The following PCNT variants were observed in gnomAD, a reference collection of about 807,000 sequenced individuals.
PCNT encodes pericentrin, also known as kendrin.
PCNT carries 319 observed loss-of-function variants against 380.4 expected under a neutral mutation model. The ratio of observed to expected loss-of-function variants is 0.84; its 90% confidence interval spans 0.77 to 0.92. The LOEUF (loss-of-function observed/expected upper bound fraction) is 0.92, where lower values mean the gene tolerates loss of function less well. PCNT is among the 40% of genes least tolerant of loss of function. PCNT has a pLI of 0.00. For synonymous variants in PCNT, 1,845 were observed against 1,735.2 expected, an observed-to-expected ratio of 1.06 and a Z score of -1.57; for missense variants, 4,400 against 4,255.3, an observed-to-expected ratio of 1.03 and a Z score of -0.95.
rs756178037 is a variant in PCNT, at chr21:46,416,112, A to C, written c.6194A>C (p.Asp2065Ala). 1.2e-6 allele frequency: 2 copies of C among 1,614,148 alleles called. No individual in the cohort carries two copies. The highest frequency in any genetic ancestry group is 8.5e-7 in the Non-Finnish European group (1 of 1,180,030). ...VLEDCQLPKV[D>A]LVAQVKQLQE... ...GAAGATTGTCAGCTGCCGAAGGTCG[A>C]TCTCGTAGCTCAGGTGAAACAGCTT... Residue 2065 changes from aspartate (D) to alanine (A), a missense_variant, in exon 30 of 47, where the codon GAT (aspartate) becomes GCT (alanine). Transcript: ENST00000359568.
intron 6 of PCNT, 90 bp downstream of exon 6, chr21:46,347,602 T>G: frequency 2.5e-6 from 3 of 1,198,274 alleles, no homozygotes; most frequent in Non-Finnish European, 3.7e-6. Flanking sequence ...TCACCTTGAT[T>G]CAGACAGAAG....
intron 3 of PCNT, among the ~76,000 whole-genome samples, chr21:46,335,416 C>T (rs8127913): frequency 0.33 from 50,743 of 151,998 alleles, 9,104 homozygotes; most frequent in Admixed American, 0.43. Context: ...ATATTTTAGG[C>T]TGGGCACGGT....
At chr21:46,439,706 G>C (rs1295593953) in intron 41 of PCNT, among the ~76,000 whole-genome samples, 4 of 152,216 alleles carry the variant, frequency 2.6e-5, no homozygotes, top group African/African-American at 9.7e-5. Flanking sequence ...GTCGAGAGTT[G>C]ACTGTGCTTG....
rs371601333 is a variant in PCNT, at chr21:46,366,283, C to T, written c.2610-301C>T. On this transcript the variant is annotated intron_variant, in intron 14 of 46. Transcript: ENST00000359568. ...TTGTGCCTGCCGTGCGTGGCTCTGG[C>T]GGGGATGTGTGTGTGCCATCTCTTG... Among the ~76,000 whole-genome samples the T allele has an allele frequency of 9.8e-4, 149 of 152,194 alleles. 2 individuals carry two copies. In the South Asian group the frequency reaches 0.03, roughly 31 times the overall value.
chr21:46,361,498 G>A (rs963201348), intron 13 of PCNT, among the ~76,000 whole-genome samples: 7 of 152,222 alleles, frequency 4.6e-5, no homozygotes, highest in African/African-American at 1.7e-4. Context: ...ACCTCTAACT[G>A]CACAGGTGCT....
At chr21:46,356,834 C>T in intron 12 of PCNT, 140 bp from the exon 13 acceptor site, 4 of 711,478 alleles carry the variant, frequency 5.6e-6, no homozygotes, top group Non-Finnish European at 9.8e-6. Context: ...GCTTTCATCA[C>T]TGAGTCAGCA....
At position 46,431,522 on chromosome 21, in the gene PCNT, T is replaced by C. The variant is rs777188894; in HGVS notation, c.8065-7T>C. The C allele has an allele frequency of 1.9e-6, 3 of 1,614,020 alleles. No individual in the cohort carries two copies. Among genetic ancestry groups the C allele is most frequent in the East Asian group, 2.2e-5 (1 of 44,888 alleles). On this transcript the variant is annotated splice_polypyrimidine_tract_variant and splice_region_variant and intron_variant, in intron 37 of 46. Transcript: ENST00000359568. ...AGTGTCTCCCATCGTATGTGTTTGC[T>C]GTCTAGGAGCTGCGGGCGTCTTTGG...
intron 21 of PCNT, among the ~76,000 whole-genome samples, chr21:46,395,103 C>A (rs537519999): frequency 4.6e-5 from 7 of 152,364 alleles, no homozygotes; most frequent in Admixed American, 3.9e-4. Flanking sequence ...AATGTTACCG[C>A]AGCAGCATGT....
Position 46,346,869 on chromosome 21 carries a change from A to G in PCNT, c.847A>G (p.Met283Val), listed in dbSNP as rs758425142. The G allele has an allele frequency of 1.2e-6, 2 of 1,608,582 alleles. No individual in the cohort carries two copies. Among genetic ancestry groups the G allele is most frequent in the Admixed American group, 1.7e-5 (1 of 59,262 alleles). Residue 283 changes from methionine (M) to valine (V), a missense_variant, in exon 5 of 47, where the codon ATG becomes GTG. Met to Val is a conservative substitution (Grantham distance 21). Coordinates refer to ENST00000359568, the MANE Select transcript of PCNT (RefSeq NM_006031.6). Reference sequence around the variant, plus strand: ...GACGGCATTGACGGAGCTGCGGGAGATGCTCAACAGCCGGCGTGCCCAGGA... The same window carrying G: ...GACGGCATTGACGGAGCTGCGGGAGGTGCTCAACAGCCGGCGTGCCCAGGA... ...KETALTELRE[M>V]LNSRRAQELA...
At chr21:46,349,952 A>C in intron 8 of PCNT, 132 bp downstream of exon 8, 1 of 908,526 alleles carries the variant, frequency 1.1e-6, no homozygotes, top group Non-Finnish European at 1.8e-6. Context: ...GGCTGGGAAC[A>C]GTGGTTCACG....
At chr21:46,390,337 TG>T (rs2085988883) in intron 19 of PCNT, among the ~76,000 whole-genome samples, 1 of 152,220 alleles carries the variant, frequency 6.6e-6, no homozygotes, top group African/African-American at 2.4e-5. Flanking sequence ...AATTCTTTTT[TG>T]CTAAGTTTTG....
intron 1 of PCNT, chr21:46,324,819 C>T (rs1355318665): frequency 1.1e-6 from 1 of 941,662 alleles, no homozygotes; most frequent in Non-Finnish European, 1.3e-6. Context: ...CGCGGGTGGC[C>T]TGCAGCGCCT....
At chr21:46,342,438 G>C (rs1381545319) in intron 3 of PCNT, among the ~76,000 whole-genome samples, 1 of 151,796 alleles carries the variant, frequency 6.6e-6, no homozygotes. Context: ...GATTGTACTA[G>C]TTTACGTTCC....
At position 46,435,938 on chromosome 21, in the gene PCNT, A is replaced by C. The variant is rs1556003819; in HGVS notation, c.8786A>C (p.His2929Pro). Residue 2929 changes from histidine to proline, a missense_variant, in exon 39 of 47, where the codon CAT (histidine) becomes CCT (proline). Transcript: ENST00000359568. ...GAACTGCAGCGTCAGCGTGACTTGC[A>C]TAAGATCAAGCAGCTTCAGCAGACA... ...ELELQRQRDL[H>P]KIKQLQQTVR... The C allele has an allele frequency of 6.2e-7, 1 of 1,614,156 alleles. No homozygotes were observed. Among genetic ancestry groups the C allele is most frequent in the South Asian group, 1.1e-5 (1 of 91,088 alleles).
chr21:46,426,922 T>A (rs1164739871), intron 33 of PCNT, among the ~76,000 whole-genome samples: 1 of 152,204 alleles, frequency 6.6e-6, no homozygotes, highest in African/African-American at 2.4e-5. Flanking sequence ...GCACAGGGTG[T>A]GCTGGTGCCA....
rs895775941 is a variant in PCNT at position 46,444,577 on chromosome 21, G to A, written c.9840-117G>A. On this transcript the variant is annotated intron_variant, in intron 45 of 46. Coordinates refer to ENST00000359568, the MANE Select transcript of PCNT (RefSeq NM_006031.6). ...GGCCCCAGAGTCACCCATCCCCACGGGTCTGGTTGGCGGGGCTGGTGCCTT... is the reference window on the plus strand; with the variant it reads ...GGCCCCAGAGTCACCCATCCCCACGAGTCTGGTTGGCGGGGCTGGTGCCTT... The A allele has an allele frequency of 1.1e-5, 12 of 1,088,992 alleles. No individual in the cohort carries two copies. In the Admixed American group the frequency reaches 2.4e-4, roughly 21 times the overall value. 67.5% of individuals were successfully genotyped at this position (1,088,992 alleles called of 1,614,324 possible).
chr21:46,437,689 G>A (rs759924298), intron 40 of PCNT, among the ~76,000 whole-genome samples: 3 of 152,176 alleles, frequency 2.0e-5, no homozygotes, highest in Non-Finnish European at 4.4e-5. Flanking sequence ...TGGAGCCCAC[G>A]CATGTGAGGT....
chr21:46,421,765 C>G (rs572006712), intron 31 of PCNT, among the ~76,000 whole-genome samples: 1 of 152,342 alleles, frequency 6.6e-6, no homozygotes, highest in Admixed American at 6.5e-5. Context: ...GTTGCGTTTT[C>G]TTACTTGACG....
At position 46,367,071 on chromosome 21, in the gene PCNT, C is replaced by T; in HGVS notation, c.3097C>T (p.His1033Tyr). 6.2e-7 allele frequency: 1 copy of T among 1,613,940 alleles called. No homozygotes were observed. Among genetic ancestry groups the T allele is most frequent in the Non-Finnish European group, 8.5e-7 (1 of 1,180,026 alleles). ...HEGELQSVRD[H>Y]LRTEVSTELA... Reference sequence around the variant, plus strand: ...AGGGGAGCTACAGTCTGTGCGGGACCACCTGCGAACCGAAGTGAGCACAGA... The same window carrying T: ...AGGGGAGCTACAGTCTGTGCGGGACTACCTGCGAACCGAAGTGAGCACAGA... Residue 1033 changes from histidine (H) to tyrosine (Y), a missense_variant, in exon 15 of 47, where the codon CAC (histidine) becomes TAC (tyrosine). His to Tyr is a moderately conservative substitution (Grantham distance 83). Coordinates refer to ENST00000359568, the MANE Select transcript of PCNT (RefSeq NM_006031.6).
Sources: gnomAD v4.1 joint callset for allele counts (sites outside exome capture counted in the v4.1 genomes callset) on GRCh38, gnomAD v4.1.1 for gene constraint, MANE v1.5 for transcripts, NCBI Gene and HGNC (gene_info 2026-07-23, HGNC 2026-07-21) for gene names.